CATSPERB: variants seen among roughly 807,000 people sequenced by gnomAD.
CATSPERB encodes cation channel sperm-associated auxiliary subunit beta.
CATSPERB carries 93 observed loss-of-function variants against 128.3 expected under a neutral mutation model. The ratio of observed to expected loss-of-function variants is 0.72; its 90% CI spans 0.61 to 0.86. CATSPERB has a LOEUF of 0.86. Among genes scored for constraint, CATSPERB ranks in the 40% least tolerant of loss-of-function variants. The pLI is 0.00. For missense variants in CATSPERB, 1,153 were observed against 1,329.5 expected, an observed-to-expected ratio of 0.87 and a Z score of 2.06; for synonymous variants, 381 against 448.8, an observed-to-expected ratio of 0.85 and a Z score of 1.91.
chr14:91,698,500 G>A (rs1178607596), intron 7 of CATSPERB, among the ~76,000 whole-genome samples: 2 of 152,048 alleles, frequency 1.3e-5, no homozygotes, highest in Non-Finnish European at 2.9e-5. Context: ...TCCAGCTTTG[G>A]CCAGTTCAGT....
At position 91,617,917 on chromosome 14, in the gene CATSPERB, G is replaced by A. The variant is rs562486190; in HGVS notation, c.2261-181C>T. Among the ~76,000 whole-genome samples the A allele has an allele frequency of 2.8e-4, 43 of 152,220 alleles. No homozygotes were observed. In the South Asian group the frequency reaches 8.7e-3, roughly 31 times the overall value. On this transcript the variant is annotated intron_variant, in intron 19 of 26. Transcript: ENST00000256343. ...TTTAATAGTTCTGTTACAGGAAATG[G>A]GTCCTGATCCAGACCCCAAGAGAGG... is the stretch of plus-strand genomic sequence containing the variant.
chr14:91,718,469 A>G (rs922613745), intron 5 of CATSPERB, among the ~76,000 whole-genome samples: 2 of 152,120 alleles, frequency 1.3e-5, no homozygotes, highest in African/African-American at 4.8e-5. Context: ...GTTGGCCTGT[A>G]TGGTTCCCCC....
intron 14 of CATSPERB, among the ~76,000 whole-genome samples, chr14:91,664,046 T>C (rs1894934854): frequency 6.6e-6 from 1 of 152,230 alleles, no homozygotes; most frequent in South Asian, 2.1e-4. Flanking sequence ...TCCACCATTA[T>C]AGTATCAGAC....
intron 15 of CATSPERB, among the ~76,000 whole-genome samples, chr14:91,647,077 G>T (rs1034477351): frequency 2.0e-5 from 3 of 152,162 alleles, no homozygotes; most frequent in African/African-American, 7.2e-5. Context: ...AAATTAGCTG[G>T]GTGTGGTGGT....
Position 91,617,601 on chromosome 14 carries a change from T to A in CATSPERB, c.2396A>T (p.His799Leu), listed in dbSNP as rs773983441. ...ITISAASKVL[H>L]QGSTSLAFIM... ...TGTAAATGAAGAAAATCCTACCTGATGTAAAACTTTGCTAGCTGCAGAAAT... is the reference window on the plus strand; with the variant it reads ...TGTAAATGAAGAAAATCCTACCTGAAGTAAAACTTTGCTAGCTGCAGAAAT... The change falls in exon 20 of 27, where the codon CAT becomes CTT. Residue 799 changes from histidine to leucine, a missense_variant. By Grantham distance (99) the His-to-Leu change is moderately conservative. Transcript: ENST00000256343. 1 of 1,579,916 alleles carries A rather than the reference T, an allele frequency of 6.3e-7. No individual in the cohort carries two copies. The highest frequency in any genetic ancestry group is 2.3e-5 in the East Asian group (1 of 43,476).
At chr14:91,686,143 T>C (rs895131648) in intron 10 of CATSPERB, among the ~76,000 whole-genome samples, 3 of 152,198 alleles carry the variant, frequency 2.0e-5, no homozygotes, top group African/African-American at 7.2e-5. Context: ...CAGAATATTA[T>C]CTTCCCCTCA....
At chr14:91,584,269 A>G (rs1704599) in intron 26 of CATSPERB, among the ~76,000 whole-genome samples, 87,481 of 151,636 alleles carry the variant, frequency 0.58, 26,061 homozygotes, top group East Asian at 0.92. Flanking sequence ...ATGTTTCACC[A>G]TGTTGGCCAG....
chr14:91,689,014 C>T (rs768189589), intron 10 of CATSPERB, among the ~76,000 whole-genome samples: 11 of 152,176 alleles, frequency 7.2e-5, no homozygotes, highest in Admixed American at 3.3e-4. Context: ...TGGAGCACCT[C>T]GAATTTTGAC....
At position 91,608,330 on chromosome 14, in the gene CATSPERB, G is replaced by T; in HGVS notation, c.2673C>A (p.Ser891Arg). ...LTDNFYHADP[S>R]KPIPRNMFHM... ...GAAACATGTTTCTTGGTATGGGTTTGCTAGGATCTGCATGATAAAAATTAT... is the reference window on the plus strand; with the variant it reads ...GAAACATGTTTCTTGGTATGGGTTTTCTAGGATCTGCATGATAAAAATTAT... The change falls in exon 22 of 27, where the codon AGC (serine) becomes AGA (arginine). Residue 891 changes from serine (S) to arginine (R), a missense_variant. Coordinates refer to ENST00000256343, the MANE Select transcript of CATSPERB (RefSeq NM_024764.4). 2 of 1,612,058 alleles carry T rather than the reference G, an allele frequency of 1.2e-6. No individual in the cohort carries two copies. The highest frequency in any genetic ancestry group is 8.5e-7 in the Non-Finnish European group (1 of 1,178,372).
intron 10 of CATSPERB, among the ~76,000 whole-genome samples, chr14:91,687,203 T>C (rs906296151): frequency 3.9e-5 from 6 of 152,176 alleles, no homozygotes; most frequent in Non-Finnish European, 5.9e-5. Flanking sequence ...TCTCAGTCTA[T>C]ATCTTTTTGT....
intron 14 of CATSPERB, among the ~76,000 whole-genome samples, chr14:91,661,063 A>G (rs2139821897): frequency 6.6e-6 from 1 of 152,270 alleles, no homozygotes; most frequent in Admixed American, 6.5e-5. Context: ...TGCAGCACTC[A>G]TTGCTGGCAT....
intron 15 of CATSPERB, 103 bp from the exon 16 acceptor site, chr14:91,639,353 G>A: frequency 1.1e-6 from 1 of 944,266 alleles, no homozygotes; most frequent in Non-Finnish European, 1.6e-6. Context: ...CTAAGAGGTG[G>A]AAGTAGGGCC....
chr14:91,639,177 G>A lies in CATSPERB; in HGVS notation c.1506C>T (p.Phe502=), dbSNP rs895131312. The change falls in exon 16 of 27, where the codon TTC becomes TTT. Residue 502 remains phenylalanine (F), a synonymous_variant. Transcript: ENST00000256343. ...AGCGACCCAGAGTCAGCTTATGTAG[G>A]AATCCCAAGTGATCATAGTATAATG... ...IFTLYYDHLG[F]LHKLTLGRFE... The A allele has an allele frequency of 1.1e-5, 18 of 1,613,874 alleles. No individual in the cohort carries two copies. Among genetic ancestry groups the A allele is most frequent in the Non-Finnish European group, 1.5e-5 (18 of 1,179,842 alleles).
chr14:91,659,169 T>C (rs1487752477), intron 15 of CATSPERB, among the ~76,000 whole-genome samples: 3 of 152,168 alleles, frequency 2.0e-5, no homozygotes, highest in African/African-American at 4.8e-5. Flanking sequence ...GAGGAGGATA[T>C]TGAACATTCC....
At chr14:91,724,467 T>C (rs1364693800) in intron 3 of CATSPERB, among the ~76,000 whole-genome samples, 3 of 152,246 alleles carry the variant, frequency 2.0e-5, no homozygotes, top group African/African-American at 7.2e-5. Flanking sequence ...CAAAGCAGGC[T>C]TAGGAATACA....
At chr14:91,710,231 T>C (rs749314946) in intron 5 of CATSPERB, 3 of 152,236 alleles carry the variant, frequency 2.0e-5, no homozygotes, top group African/African-American at 7.2e-5. Flanking sequence ...AAAACCTTTG[T>C]TATTTGGGTT....
intron 7 of CATSPERB, among the ~76,000 whole-genome samples, chr14:91,703,038 G>A (rs1895677123): frequency 1.3e-5 from 2 of 151,838 alleles, no homozygotes; most frequent in African/African-American, 4.8e-5. Context: ...CAGCCTTCTA[G>A]CATACCCATA....
At chr14:91,601,607 C>A (rs550295562) in intron 22 of CATSPERB, among the ~76,000 whole-genome samples, 63 of 152,196 alleles carry the variant, frequency 4.1e-4, no homozygotes, top group African/African-American at 1.5e-3. Context: ...GAAATAGAAT[C>A]TAGGGATCTG....
At chr14:91,603,323 T>C in intron 22 of CATSPERB, 2 of 1,575,794 alleles carry the variant, frequency 1.3e-6, no homozygotes, top group South Asian at 1.1e-5. Context: ...TATCAGGAAA[T>C]AGTGGGGGTG....
Sources: allele counts gnomAD v4.1 joint callset (sites outside exome capture counted in the v4.1 genomes callset), GRCh38; gene constraint gnomAD v4.1.1; transcripts MANE v1.5; gene names NCBI Gene and HGNC (gene_info 2026-07-23, HGNC 2026-07-21).